Variants in TNNC2 observed in about 807,000 individuals in gnomAD.
The protein encoded by TNNC2 is troponin C, skeletal muscle.
In TNNC2, 14 loss-of-function variants were observed where a neutral mutation model predicts 20.0. That is an observed-to-expected ratio of 0.70 (90% CI 0.46 to 1.09). The LOEUF is 1.09. TNNC2 is among the 50% of genes least tolerant of loss of function. TNNC2 has a pLI of 0.00. For missense variants in TNNC2, 163 were observed against 223.8 expected, an observed-to-expected ratio of 0.73 and a Z score of 1.73; for synonymous variants, 81 against 77.3, an observed-to-expected ratio of 1.05 and a Z score of -0.25.
chr20:45,832,772 A>C (rs60514274), intron 2 of TNNC2, among the ~76,000 whole-genome samples: 6,869 of 152,348 alleles, frequency 0.045, 398 homozygotes, highest in African/African-American at 0.12. Flanking sequence ...CTTGACCTGC[A>C]GCTGCCCTGC....
At chr20:45,826,499 G>A (rs1982972756) in intron 1 of TNNC2, among the ~76,000 whole-genome samples, 1 of 152,242 alleles carries the variant, frequency 6.6e-6, no homozygotes, top group African/African-American at 2.4e-5. Flanking sequence ...GAGGCTGGCA[G>A]TGAGGACAGG....
intron 1 of TNNC2, among the ~76,000 whole-genome samples, chr20:45,825,801 G>C (rs1453080485): frequency 6.6e-6 from 1 of 152,040 alleles, no homozygotes; most frequent in Non-Finnish European, 1.5e-5. Context: ...TGTATTTTTA[G>C]TAGAGATGAG....
At chr20:45,830,576 C>A (rs949093645), upstream of TNNC2, among the ~76,000 whole-genome samples, 1 of 152,202 alleles carries the variant, frequency 6.6e-6, no homozygotes, top group Non-Finnish European at 1.5e-5. Context: ...ACTGAGCATA[C>A]CTTATGCTCA....
chr20:45,828,178 G>C (rs1379377202), upstream of TNNC2, among the ~76,000 whole-genome samples: 1 of 150,112 alleles, frequency 6.7e-6, no homozygotes, highest in African/African-American at 2.5e-5. Context: ...TGGGACTAGA[G>C]GTGCACCACC....
At chr20:45,825,330 C>T (rs762450349) in intron 1 of TNNC2, among the ~76,000 whole-genome samples, 3 of 151,786 alleles carry the variant, frequency 2.0e-5, no homozygotes, top group Non-Finnish European at 4.4e-5. Context: ...CTCGCCCTGT[C>T]GCCCAGGCTG....
chr20:45,826,798 G>T (rs1197401253), intron 1 of TNNC2, among the ~76,000 whole-genome samples: 2 of 152,152 alleles, frequency 1.3e-5, no homozygotes, highest in Non-Finnish European at 2.9e-5. Flanking sequence ...GGCTCCCAGA[G>T]CCCTGCATCT....
At chr20:45,830,011 A>C (rs1983071494), upstream of TNNC2, among the ~76,000 whole-genome samples, 1 of 150,990 alleles carries the variant, frequency 6.6e-6, no homozygotes, top group Non-Finnish European at 1.5e-5. Context: ...CCTCCACATC[A>C]TGTTGCTGTC....
rs1180450173 is a variant in TNNC2, at chr20:45,824,096, G to C, written c.346C>G (p.Leu116Val). Reference protein sequence around the residue: ...NADGYIDPEELAEIFRASGEH... With the variant: ...NADGYIDPEEVAEIFRASGEH... ...CCGGAGGCCCTGAAAATCTCAGCCA[G>C]CTCCTCCGGGTCGATGTAGCCGTCT... is the stretch of plus-strand genomic sequence containing the variant. The change falls in exon 5 of 6, where the codon CTG (leucine) becomes GTG (valine). Residue 116 changes from leucine to valine, a missense_variant. Leu to Val is a conservative substitution (Grantham distance 32). Transcript: ENST00000372555. 1.2e-6 allele frequency: 2 copies of C among 1,613,922 alleles called. No homozygotes were observed. The highest frequency in any genetic ancestry group is 1.7e-5 in the Admixed American group (1 of 60,012).
At position 45,824,486 on chromosome 20, in the gene TNNC2, C is replaced by A. The variant is rs186394898; in HGVS notation, c.199+9G>T. On this transcript the variant is annotated intron_variant, in intron 3 of 5. Transcript: ENST00000372555. ...CACCATCCCCTGCCTCCGAGGGACA[C>A]CCGCTCACCGTCCTCATCCACCTCC... 6.2e-7 allele frequency: 1 copy of A among 1,613,258 alleles called. No individual in the cohort carries two copies.
chr20:45,823,849 C>T lies in TNNC2; in HGVS notation c.451+142G>A, dbSNP rs1256601290. ...AGTCGTGGAGCGCTTCTATACCTGC[C>T]CCCAGGAGACTATGGGGAACTTGGT... On this transcript the variant is annotated intron_variant, in intron 5 of 5. Transcript: ENST00000372555. The surrounding 1 kb of genome is among the most constrained non-coding windows in gnomAD (Gnocchi z 4.6). 1 of 1,395,406 alleles carries T rather than the reference C, an allele frequency of 7.2e-7. No homozygotes were observed. The highest frequency in any genetic ancestry group is 9.7e-7 in the Non-Finnish European group (1 of 1,027,414). The allele number at this position is 1,395,406 out of a possible 1,614,324, so 86.4% of individuals were successfully genotyped here.
upstream of TNNC2, among the ~76,000 whole-genome samples, chr20:45,830,786 A>G (rs1983091130): frequency 6.6e-6 from 1 of 152,222 alleles, no homozygotes; most frequent in African/African-American, 2.4e-5. Flanking sequence ...TGAGCTCCGT[A>G]TCACTGAGTA....
chr20:45,823,915 C>T lies in TNNC2; in HGVS notation c.451+76G>A. On this transcript the variant is annotated intron_variant, in intron 5 of 5. Transcript: ENST00000372555. The surrounding 1 kb of genome is among the most constrained non-coding windows in gnomAD (Gnocchi z 4.6). ...CCAGCCCACAAGGCCAAGGACACTG[C>T]ACCGGAGCCAGGCACCAGTGCCCGC... is the stretch of plus-strand genomic sequence containing the variant. 1 of 1,600,334 alleles carries T rather than the reference C, an allele frequency of 6.2e-7. No homozygotes were observed. Among genetic ancestry groups the T allele is most frequent in the Non-Finnish European group, 8.5e-7 (1 of 1,172,626 alleles).
At chr20:45,832,413 C>T (rs1387513336) in intron 2 of TNNC2, among the ~76,000 whole-genome samples, 1 of 152,174 alleles carries the variant, frequency 6.6e-6, no homozygotes, top group Non-Finnish European at 1.5e-5. Context: ...AGTCACTTTG[C>T]CTCAGTTTCT....
intron 1 of TNNC2, 61 bp downstream of exon 1, chr20:45,827,185 G>C (rs904939449): frequency 5.0e-6 from 8 of 1,610,600 alleles, no homozygotes; most frequent in Non-Finnish European, 6.8e-6. Flanking sequence ...CCCAGGCCTG[G>C]CCTGAAAGGG....
chr20:45,824,225 C>T (rs993190950), intron 4 of TNNC2, 67 bp downstream of exon 4: 4 of 1,600,976 alleles, frequency 2.5e-6, no homozygotes, highest in Non-Finnish European at 3.4e-6. Context: ...CACGGGGAAG[C>T]TTCCAGCGCT....
rs572141767 is a variant in TNNC2, at chr20:45,823,524, C to G, written c.452-145G>C. The G allele has an allele frequency of 1.0e-4, 75 of 746,308 alleles. No individual in the cohort carries two copies. The African/African-American group carries it at 1.3e-3, about 13-fold the overall frequency. The allele number at this position is 746,308 out of a possible 1,614,324, so 46.2% of individuals were successfully genotyped here. A position where few individuals can be genotyped will look rare whatever the true frequency, so the allele number is the denominator to read the frequency against. ...ACTCTGTTGCCAAGGTCGCCAAGGTCTGTCACCCAGGCTAGAGTGCAGTGG... is the reference window on the plus strand; with the variant it reads ...ACTCTGTTGCCAAGGTCGCCAAGGTGTGTCACCCAGGCTAGAGTGCAGTGG... On this transcript the variant is annotated intron_variant, in intron 5 of 5. Coordinates refer to ENST00000372555, the MANE Select transcript of TNNC2 (RefSeq NM_003279.3). This position sits in a 1 kb window ranked among gnomAD's most constrained non-coding sequence, Gnocchi z 4.6.
rs900335382 is a variant in TNNC2 at position 45,824,001 on chromosome 20, A to G, written c.441T>C (p.Ile147=). 5.0e-6 allele frequency: 8 copies of G among 1,613,948 alleles called. No individual in the cohort carries two copies. In the African/African-American group the frequency reaches 8.0e-5, roughly 16 times the overall value. Residue 147 remains isoleucine, a synonymous_variant, in exon 5 of 6, where the codon ATT becomes ATC. Transcript: ENST00000372555. The part of the protein sequence containing the change: ...KDGDKNNDGR[I]DFDEFLKMME... ...CCCGTTGGCCCTCACCGTCGAAGTC[A>G]ATGCGGCCGTCGTTGTTCTTGTCGC...
intron 2 of TNNC2, among the ~76,000 whole-genome samples, chr20:45,832,348 C>T (rs1601059765): frequency 6.6e-6 from 1 of 152,142 alleles, no homozygotes; most frequent in Non-Finnish European, 1.5e-5. Context: ...TAAAATTGCA[C>T]AAACTTAGGC....
chr20:45,825,904 G>A (rs1174737438), intron 1 of TNNC2, among the ~76,000 whole-genome samples: 1 of 152,186 alleles, frequency 6.6e-6, no homozygotes, highest in African/African-American at 2.4e-5. Context: ...ACAGGCGTGA[G>A]CCACCGCGCG....
Sources: gnomAD v4.1 joint callset for allele counts (sites outside exome capture counted in the v4.1 genomes callset) on GRCh38, gnomAD v4.1.1 for gene constraint, Gnocchi (gnomAD v3.1) non-coding constraint, MANE v1.5 for transcripts, NCBI Gene and HGNC (gene_info 2026-07-23, HGNC 2026-07-21) for gene names.